The following TET3 variants were observed in gnomAD, a reference collection of about 807,000 sequenced individuals.
TET3 encodes methylcytosine dioxygenase TET3.
Under a neutral mutation model 141.4 loss-of-function variants are expected in TET3, and 19 were observed. The observed-to-expected ratio is 0.13, with a 90% CI of 0.09 to 0.20. The LOEUF is 0.20. Ranked by LOEUF, TET3 falls within the 10% of genes least tolerant of loss-of-function variation. The pLI is 1.00. For missense variants in TET3, 1,874 were observed against 2,356.9 expected, an observed-to-expected ratio of 0.80 and a Z score of 4.24; for synonymous variants, 1,043 against 980.9, an observed-to-expected ratio of 1.06 and a Z score of -1.18.
At chr2:74,026,136 A>G (rs1424680047) in intron 3 of TET3, among the ~76,000 whole-genome samples, 1 of 152,064 alleles carries the variant, frequency 6.6e-6, no homozygotes, top group South Asian at 2.1e-4. Flanking sequence ...AGGCCACAGC[A>G]TCCCACCCCA....
chr2:74,093,808 C>T lies in TET3; in HGVS notation c.3267+142C>T, dbSNP rs556302871. The T allele has an allele frequency of 2.5e-5, 29 of 1,142,648 alleles. No homozygotes were observed. Among genetic ancestry groups the T allele is most frequent in the Middle Eastern group, 3.1e-4 (1 of 3,274 alleles). The allele number at this position is 1,142,648 out of a possible 1,614,324, so 70.8% of individuals were successfully genotyped here. ...GAACTCTGGAAGGTTCCCTGCAAGA[C>T]GGCCTGCCTTCGCCCACCTCCCAGA... On this transcript the variant is annotated intron_variant, in intron 10 of 11. Transcript: ENST00000409262. This position sits in a 1 kb window ranked among gnomAD's most constrained non-coding sequence, Gnocchi z 4.2.
In TET3 at chr2:74,030,217, A is replaced by G. The variant is rs528243196; in HGVS notation, c.361-16061A>G. 4.8e-4 allele frequency among the ~76,000 whole-genome samples: 73 copies of G among 152,376 alleles called. 2 individuals carry two copies. The South Asian group carries it at 0.015, about 31-fold the overall frequency. ...TGATAGCATCAGTGAGTGACATCTC[A>G]TAATTCTGTGGGCTGCAAATACTTA... On this transcript the variant is annotated intron_variant, in intron 3 of 11. Coordinates refer to ENST00000409262, the MANE Select transcript of TET3 (RefSeq NM_001287491.2).
In TET3 at chr2:74,047,346, GTA is replaced by G. The variant is rs1261054093; in HGVS notation, c.1431_1432del (p.Phe478GlnfsTer4). On this transcript the variant is annotated frameshift_variant, in exon 4 of 12. Transcript: ENST00000409262. LOFTEE classifies it high-confidence loss of function. Reference protein sequence around the residue: ...LGSASDYIQSVFKRPEALPTK... With the variant: ...LGSASDYIQSXFKRPEALPTK... ...CAGCGCCAGTGATTACATCCAGTCA[GTA>G]TTCAAGCGGCCTGAGGCCCTGCCTA... 6.2e-7 allele frequency: 1 copy of G among 1,614,018 alleles called. No individual in the cohort carries two copies. The highest frequency in any genetic ancestry group is 8.5e-7 in the Non-Finnish European group (1 of 1,179,884).
chr2:74,081,082 A>AGG (rs1209650161), intron 6 of TET3, among the ~76,000 whole-genome samples: 12 of 152,164 alleles, frequency 7.9e-5, no homozygotes, highest in Non-Finnish European at 1.6e-4. Flanking sequence ...ATCCAACCTG[A>AGG]GGGAAGAGGC....
At chr2:74,037,776 A>G (rs768826252) in intron 3 of TET3, among the ~76,000 whole-genome samples, 3 of 152,236 alleles carry the variant, frequency 2.0e-5, no homozygotes, top group Admixed American at 6.5e-5. Flanking sequence ...TTAAGAAGGT[A>G]TAGCCAATCA....
intron 7 of TET3, among the ~76,000 whole-genome samples, chr2:74,089,515 A>G (rs959301946): frequency 5.9e-5 from 9 of 152,182 alleles, no homozygotes; most frequent in Non-Finnish European, 1.0e-4. Flanking sequence ...ACACGTTCAA[A>G]CCCTGGGGCT....
At chr2:74,081,411 C>G (rs958633120) in intron 6 of TET3, among the ~76,000 whole-genome samples, 1 of 152,198 alleles carries the variant, frequency 6.6e-6, no homozygotes, top group African/African-American at 2.4e-5. Flanking sequence ...TGTTTGTGCT[C>G]TAGAGACATA....
At chr2:74,063,024 C>T (rs1273798228) in intron 4 of TET3, among the ~76,000 whole-genome samples, 5 of 151,602 alleles carry the variant, frequency 3.3e-5, no homozygotes, top group African/African-American at 9.7e-5. Context: ...GCTGGGGTTA[C>T]AGGCGTGCAC....
At chr2:74,097,857 C>T (rs183868428) in intron 10 of TET3, among the ~76,000 whole-genome samples, 40 of 152,138 alleles carry the variant, frequency 2.6e-4, no homozygotes, top group Non-Finnish European at 4.3e-4. Flanking sequence ...GAGGCACACT[C>T]GCAGGGAGCC....
chr2:74,002,853 C>G, intron 2 of TET3: 1 of 570,138 alleles, frequency 1.8e-6, no homozygotes, highest in Non-Finnish European at 3.1e-6. Flanking sequence ...CGGGGGTCGC[C>G]GTCCTCTCGG....
At chr2:74,095,739 A>G (rs1690785401) in intron 10 of TET3, among the ~76,000 whole-genome samples, 1 of 152,260 alleles carries the variant, frequency 6.6e-6, no homozygotes, top group Non-Finnish European at 1.5e-5. Flanking sequence ...TTATTTAACC[A>G]GTCCCCTATC....
intron 3 of TET3, among the ~76,000 whole-genome samples, chr2:74,027,702 C>T (rs1686451250): frequency 6.6e-6 from 1 of 152,192 alleles, no homozygotes; most frequent in Non-Finnish European, 1.5e-5. Context: ...TACTTTATTC[C>T]TTTTCATGAC....
intron 2 of TET3, among the ~76,000 whole-genome samples, chr2:73,994,138 A>G (rs1369472946): frequency 6.6e-6 from 1 of 152,146 alleles, no homozygotes; most frequent in African/African-American, 2.4e-5. Context: ...TACTTGTTTT[A>G]AAAAAGAAAT....
At chr2:74,051,458 AGT>A (rs1330443858) in intron 4 of TET3, among the ~76,000 whole-genome samples, 2 of 152,372 alleles carry the variant, frequency 1.3e-5, no homozygotes, top group East Asian at 3.8e-4. Context: ...GTATGGTCGG[AGT>A]ATGGATGACC....
At chr2:74,050,294 A>C (rs1393814209) in intron 4 of TET3, among the ~76,000 whole-genome samples, 1 of 152,186 alleles carries the variant, frequency 6.6e-6, no homozygotes, top group Non-Finnish European at 1.5e-5. Flanking sequence ...CGATAATAGT[A>C]CCGGCCTCAC....
intron 3 of TET3, among the ~76,000 whole-genome samples, chr2:74,006,829 A>G (rs995086940): frequency 1.2e-4 from 18 of 151,518 alleles, no homozygotes; most frequent in South Asian, 8.3e-4. Flanking sequence ...TTAGCTGAGG[A>G]CTCCCCCTTG....
At chr2:74,110,591 G>A (rs116429924), downstream of TET3, among the ~76,000 whole-genome samples, 1,196 of 152,224 alleles carry the variant, frequency 7.9e-3, 11 homozygotes, top group Middle Eastern at 0.02. Context: ...CATAGAAGAC[G>A]TGAAAGACAA....
intron 2 of TET3, among the ~76,000 whole-genome samples, chr2:73,997,927 T>C (rs1684674083): frequency 6.6e-6 from 1 of 152,180 alleles, no homozygotes; most frequent in Non-Finnish European, 1.5e-5. Context: ...TAGTCACCTT[T>C]GGGCCCATAG....
In TET3 at chr2:74,101,726, C is replaced by T; in HGVS notation, c.4938C>T (p.Phe1646=). The change falls in exon 12 of 12, where the codon TTC becomes TTT. Residue 1646 remains phenylalanine (F), a synonymous_variant. Coordinates refer to ENST00000409262, the MANE Select transcript of TET3 (RefSeq NM_001287491.2). The surrounding 1 kb of genome is among the most constrained non-coding windows in gnomAD (Gnocchi z 8.5). ...EELWSDSEHN[F]LDENIGGVAV... is the part of the protein sequence containing the mutation. ...TGTGGTCGGACAGTGAACACAACTTCCTGGACGAGAACATCGGCGGCGTGG... is the reference window on the plus strand; with the variant it reads ...TGTGGTCGGACAGTGAACACAACTTTCTGGACGAGAACATCGGCGGCGTGG... The T allele has an allele frequency of 6.2e-7, 1 of 1,613,554 alleles. No individual in the cohort carries two copies. Among genetic ancestry groups the T allele is most frequent in the Non-Finnish European group, 8.5e-7 (1 of 1,179,888 alleles).
Sources: allele counts gnomAD v4.1 joint callset (sites outside exome capture counted in the v4.1 genomes callset), GRCh38; gene constraint gnomAD v4.1.1; non-coding constraint Gnocchi (gnomAD v3.1); transcripts MANE v1.5; gene names NCBI Gene and HGNC (gene_info 2026-07-23, HGNC 2026-07-21).